Variants in UTP4 observed in about 807,000 individuals in gnomAD.
UTP4 encodes the protein UTP4 small subunit processome component.
Under a neutral mutation model 82.4 loss-of-function variants are expected in UTP4, and 45 were observed. That is an observed-to-expected ratio of 0.55 (90% confidence interval 0.43 to 0.70). UTP4 has a LOEUF of 0.70. Among genes scored for constraint, UTP4 ranks in the 30% least tolerant of loss-of-function variants. The pLI, the probability that UTP4 is intolerant of heterozygous loss-of-function variation, is 0.00. For missense variants in UTP4, 819 were observed against 858.3 expected, an observed-to-expected ratio of 0.95 and a Z score of 0.57; for synonymous variants, 348 against 300.3, an observed-to-expected ratio of 1.16 and a Z score of -1.64.
chr16:69,146,222 C>T (rs944319626), intron 6 of UTP4, among the ~76,000 whole-genome samples: 51 of 152,108 alleles, frequency 3.4e-4, no homozygotes, highest in Non-Finnish European at 1.5e-4. Flanking sequence ...GAATAAAGTT[C>T]ATTCACGTTG....
chr16:69,143,154 A>T (rs1284235562), intron 5 of UTP4, 24 bp from the exon 6 acceptor site: 1 of 1,607,254 alleles, frequency 6.2e-7, no homozygotes, highest in South Asian at 1.1e-5. Flanking sequence ...TACCATTTGA[A>T]GGTGTGCTTT....
intron 14 of UTP4, among the ~76,000 whole-genome samples, chr16:69,164,586 TTATATATATATATATA>T (rs58927210): frequency 9.8e-5 from 13 of 132,514 alleles, no homozygotes; most frequent in Admixed American, 2.4e-4. Context: ...TAATCATTCT[TTATATATATATATATA>T]TATATATATA....
chr16:69,165,659 C>T (rs765166818), intron 15 of UTP4, 133 bp downstream of exon 15: 3 of 793,684 alleles, frequency 3.8e-6, no homozygotes, highest in Non-Finnish European at 6.4e-6. Flanking sequence ...GTAGCTAGTA[C>T]ATTTCTTGGA....
chr16:69,153,472 A>G, intron 8 of UTP4, 112 bp from the exon 9 acceptor site: 7 of 761,262 alleles, frequency 9.2e-6, no homozygotes, highest in Non-Finnish European at 1.4e-5. Context: ...ATATTTATCA[A>G]GGAAATGGAT....
chr16:69,158,153 A>C (rs1030307229), intron 12 of UTP4, among the ~76,000 whole-genome samples: 2 of 128,450 alleles, frequency 1.6e-5, no homozygotes, highest in African/African-American at 5.8e-5. Context: ...CAGCCTGGAA[A>C]GTCAACTCTT....
chr16:69,165,854 C>A (rs1963689278), intron 15 of UTP4: 1 of 446,250 alleles, frequency 2.2e-6, no homozygotes, highest in Admixed American at 3.5e-5. Flanking sequence ...AGGTGACCCT[C>A]ATCCGGAAGT....
intron 8 of UTP4, among the ~76,000 whole-genome samples, chr16:69,153,040 A>G (rs1963316819): frequency 6.6e-6 from 1 of 152,148 alleles, no homozygotes; most frequent in South Asian, 2.1e-4. Flanking sequence ...ACCTGTCTCC[A>G]TCCAGGCCTG....
At chr16:69,153,865 T>C (rs567689512) in intron 9 of UTP4, among the ~76,000 whole-genome samples, 185 bp downstream of exon 9, 13 of 152,164 alleles carry the variant, frequency 8.5e-5, no homozygotes, top group Non-Finnish European at 1.8e-4. Context: ...TTTAGCAGGA[T>C]ATTGGATCAT....
chr16:69,138,958 C>CTTTTTTTTTT (rs898342829), intron 4 of UTP4: 1 of 80,732 alleles, frequency 1.2e-5, no homozygotes, highest in Non-Finnish European at 2.4e-5. Flanking sequence ...CTTGGGTGCT[C>CTTTTTTTTTT]TTTTTTTTTT....
intron 14 of UTP4, among the ~76,000 whole-genome samples, chr16:69,164,074 T>G (rs564560330): frequency 6.6e-6 from 1 of 151,732 alleles, no homozygotes; most frequent in Non-Finnish European, 1.5e-5. Flanking sequence ...TTAGTAGAGA[T>G]GGAGTTTCAC....
At position 69,167,180 on chromosome 16, in the gene UTP4, T is replaced by G. The variant is rs377461398; in HGVS notation, c.1939T>G (p.Tyr647Asp). The G allele has an allele frequency of 6.3e-7, 1 of 1,591,490 alleles. No individual in the cohort carries two copies. Among genetic ancestry groups the G allele is most frequent in the Non-Finnish European group, 8.6e-7 (1 of 1,159,498 alleles). Residue 647 changes from tyrosine (Y) to aspartate (D), a missense_variant, in exon 16 of 17, where the codon TAT becomes GAT. Tyr to Asp is a radical substitution (Grantham distance 160). Coordinates refer to ENST00000314423, the MANE Select transcript of UTP4 (RefSeq NM_032830.3). ...TAHAFKISKI[Y>D]KPLLFMDLLD... ...TCATGCTTTTAAAATTTCTAAGATATATAAGGTAAAACATCTTGTGTTGTT... is the reference window on the plus strand; with the variant it reads ...TCATGCTTTTAAAATTTCTAAGATAGATAAGGTAAAACATCTTGTGTTGTT...
chr16:69,160,529 A>ATCCC, intron 13 of UTP4, 67 bp downstream of exon 13: 1 of 1,137,522 alleles, frequency 8.8e-7, no homozygotes, highest in Non-Finnish European at 1.3e-6. Flanking sequence ...CTGCAGTTAC[A>ATCCC]AGATTCAAGG....
intron 8 of UTP4, among the ~76,000 whole-genome samples, chr16:69,152,464 CTTTTTT>C (rs58914042): frequency 2.0e-4 from 21 of 107,146 alleles, no homozygotes; most frequent in Admixed American, 1.2e-3. Flanking sequence ...TTCTGTTTTT[CTTTTTT>C]TTTTTTTTTT....
In UTP4 at chr16:69,136,854, C is replaced by G; in HGVS notation, c.318C>G (p.Ser106Arg). The G allele has an allele frequency of 6.2e-7, 1 of 1,614,160 alleles. No individual in the cohort carries two copies. Among genetic ancestry groups the G allele is most frequent in the Non-Finnish European group, 8.5e-7 (1 of 1,180,014 alleles). ...AMDAFGGPIWSMAASPSGSQL... is the reference protein window; with the variant it reads ...AMDAFGGPIWRMAASPSGSQL... ...ATGCCTTTGGAGGACCTATTTGGAGCATGGCTGCCAGCCCCAGTGGCTCTC... is the reference window on the plus strand; with the variant it reads ...ATGCCTTTGGAGGACCTATTTGGAGGATGGCTGCCAGCCCCAGTGGCTCTC... The change falls in exon 3 of 17, where the codon AGC (serine) becomes AGG (arginine). Residue 106 changes from serine to arginine, a missense_variant. Ser to Arg is a moderately radical substitution (Grantham distance 110). Transcript: ENST00000314423.
chr16:69,143,357 A>C lies in UTP4; in HGVS notation c.706A>C (p.Asn236His). The change falls in exon 6 of 17, where the codon AAT (asparagine) becomes CAT (histidine). Residue 236 changes from asparagine to histidine, a missense_variant. By Grantham distance (68) the Asn-to-His change is moderately conservative. Coordinates refer to ENST00000314423, the MANE Select transcript of UTP4 (RefSeq NM_032830.3). The stretch of plus-strand genomic sequence containing the variant: ...GCTTGTGAAGAGCCATCTCATCGCT[A>C]ATGCTGACGTGCAGTCCATTGCTGT... ...GTLVKSHLIANADVQSIAVAD... is the reference protein window; with the variant it reads ...GTLVKSHLIAHADVQSIAVAD... 6.2e-7 allele frequency: 1 copy of C among 1,614,054 alleles called. No homozygotes were observed. Among genetic ancestry groups the C allele is most frequent in the Non-Finnish European group, 8.5e-7 (1 of 1,180,022 alleles).
At chr16:69,134,055 C>A (rs1962737626) in intron 2 of UTP4, among the ~76,000 whole-genome samples, 1 of 152,150 alleles carries the variant, frequency 6.6e-6, no homozygotes, top group African/African-American at 2.4e-5. Context: ...CAAAGTTCAT[C>A]TGTCTGAGAG....
intron 6 of UTP4, among the ~76,000 whole-genome samples, chr16:69,143,744 AAT>A (rs1247227466): frequency 6.6e-6 from 1 of 152,222 alleles, no homozygotes; most frequent in Non-Finnish European, 1.5e-5. Flanking sequence ...TAATTAAAAA[AAT>A]AGAGATGGGG....
In UTP4 at chr16:69,165,514, T is replaced by G; in HGVS notation, c.1821T>G (p.Ile607Met). The change falls in exon 15 of 17, where the codon ATT (isoleucine) becomes ATG (methionine). Residue 607 changes from isoleucine (I) to methionine (M), a missense_variant. Coordinates refer to ENST00000314423, the MANE Select transcript of UTP4 (RefSeq NM_032830.3). ...ATGATGCCTACATGTTCTGCATCAT[T>G]GACAAGTCATTGGTGAGTTCTTCAC... ...LLHDAYMFCIIDKSLPLPNDK... is the reference protein window; with the variant it reads ...LLHDAYMFCIMDKSLPLPNDK... The G allele has an allele frequency of 6.2e-7, 1 of 1,613,936 alleles. No individual in the cohort carries two copies. Among genetic ancestry groups the G allele is most frequent in the Non-Finnish European group, 8.5e-7 (1 of 1,179,798 alleles).
At chr16:69,166,751 G>A (rs1364642915) in intron 15 of UTP4, 5 of 333,848 alleles carry the variant, frequency 1.5e-5, no homozygotes, top group Non-Finnish European at 2.8e-5. Flanking sequence ...AGACAGGCCA[G>A]AAGCCGCAGA....
Sources: gnomAD v4.1 joint callset for allele counts (sites outside exome capture counted in the v4.1 genomes callset) on GRCh38, gnomAD v4.1.1 for gene constraint, MANE v1.5 for transcripts, NCBI Gene and HGNC (gene_info 2026-07-23, HGNC 2026-07-21) for gene names.